Variants in EHD3 observed in about 807,000 individuals in gnomAD.
EHD3 encodes the protein EH domain containing 3.
Under a neutral mutation model 43.0 loss-of-function variants are expected in EHD3, and 17 were observed. The ratio of observed to expected loss-of-function variants is 0.40; its 90% CI spans 0.27 to 0.59. EHD3 has a LOEUF of 0.59. EHD3 is among the 20% of genes least tolerant of loss of function. The pLI, the probability that EHD3 is intolerant of heterozygous loss-of-function variation, is 0.49. For missense variants in EHD3, 594 were observed against 705.6 expected (o/e 0.84, Z 1.79); for synonymous variants, 313 against 289.5 (o/e 1.08, Z -0.82).
At chr2:31,238,469 G>A (rs1572460550) in intron 1 of EHD3, among the ~76,000 whole-genome samples, 1 of 152,244 alleles carries the variant, frequency 6.6e-6, no homozygotes, top group African/African-American at 2.4e-5. Context: ...TTAATGTGCT[G>A]TGATCTCTGC....
At chr2:31,243,456 C>CTTTT (rs1418621028) in intron 1 of EHD3, among the ~76,000 whole-genome samples, 6 of 93,324 alleles carry the variant, frequency 6.4e-5, no homozygotes, top group Middle Eastern at 6.5e-3. Context: ...TTCTTTCTTT[C>CTTTT]TTTCTTTTTT....
intron 2 of EHD3, among the ~76,000 whole-genome samples, chr2:31,246,032 A>T (rs985367653): frequency 5.3e-5 from 8 of 152,050 alleles, no homozygotes; most frequent in Admixed American, 5.2e-4. Context: ...CAGAGTAGGG[A>T]GCAGAGGAAG....
At chr2:31,237,679 T>G (rs907701789) in intron 1 of EHD3, among the ~76,000 whole-genome samples, 10 of 152,214 alleles carry the variant, frequency 6.6e-5, no homozygotes, top group African/African-American at 2.4e-4. Flanking sequence ...TGCTGGGGAT[T>G]ACAGACGTGA....
chr2:31,234,588 T>G lies in EHD3; in HGVS notation c.-34T>G, dbSNP rs539844615. On this transcript the variant is annotated 5_prime_UTR_variant, in exon 1 of 6. Coordinates refer to ENST00000322054, the MANE Select transcript of EHD3 (RefSeq NM_014600.3). ...CTTCCCCTGAGGAGGAGTCTTCCCC[T>G]GGGGCTGCGTGCCGGGGGCGAGCGG... is the stretch of plus-strand genomic sequence containing the variant. 2 of 1,608,828 alleles carry G rather than the reference T, an allele frequency of 1.2e-6. No homozygotes were observed. Among genetic ancestry groups the G allele is most frequent in the East Asian group, 2.2e-5 (1 of 44,824 alleles).
At chr2:31,241,524 G>A (rs747509673) in intron 1 of EHD3, among the ~76,000 whole-genome samples, 13 of 152,204 alleles carry the variant, frequency 8.5e-5, no homozygotes, top group Non-Finnish European at 1.5e-4. Context: ...AGAACTCCCT[G>A]TGAGATAGGT....
At chr2:31,236,094 A>G (rs1375822837) in intron 1 of EHD3, among the ~76,000 whole-genome samples, 1 of 152,210 alleles carries the variant, frequency 6.6e-6, no homozygotes, top group Non-Finnish European at 1.5e-5. Context: ...AGAAAAGTTA[A>G]CAGTCTAGTT....
intron 1 of EHD3, among the ~76,000 whole-genome samples, chr2:31,242,255 T>C (rs898857496): frequency 2.6e-5 from 4 of 152,234 alleles, no homozygotes; most frequent in Admixed American, 2.0e-4. Flanking sequence ...CCAGGCCTGC[T>C]GCTGCAGTCC....
chr2:31,249,171 G>A (rs1219104542), intron 2 of EHD3, among the ~76,000 whole-genome samples, 200 bp from the exon 3 acceptor site: 1 of 152,198 alleles, frequency 6.6e-6, no homozygotes, highest in Non-Finnish European at 1.5e-5. Context: ...AACACTGGAT[G>A]TGGGGAGAGG....
chr2:31,261,822 CAG>C, intron 5 of EHD3, 109 bp downstream of exon 5: 2 of 1,324,592 alleles, frequency 1.5e-6, no homozygotes, highest in Admixed American at 2.3e-5. Flanking sequence ...GAACCCCGCC[CAG>C]AATCTGCAGG....
chr2:31,235,506 C>T (rs988038918), intron 1 of EHD3, among the ~76,000 whole-genome samples: 10 of 151,940 alleles, frequency 6.6e-5, no homozygotes, highest in Admixed American at 2.0e-4. Flanking sequence ...ATATTAAAGA[C>T]GCTTAGAGAT....
At chr2:31,252,613 G>T (rs889598100) in intron 3 of EHD3, among the ~76,000 whole-genome samples, 2 of 152,028 alleles carry the variant, frequency 1.3e-5, no homozygotes, top group Non-Finnish European at 2.9e-5. Context: ...TAGCTGGGAC[G>T]ACAGGCATGC....
intron 1 of EHD3, among the ~76,000 whole-genome samples, chr2:31,243,448 C>CTTTTTTTT (rs1310045883): frequency 6.0e-5 from 4 of 67,006 alleles, no homozygotes; most frequent in Non-Finnish European, 8.0e-5. Context: ...TTCTTTCTTT[C>CTTTTTTTT]TTTCTTTCTT....
At chr2:31,261,038 A>C in intron 4 of EHD3, 116 bp downstream of exon 4, 2 of 1,207,424 alleles carry the variant, frequency 1.7e-6, no homozygotes, top group South Asian at 3.0e-5. Flanking sequence ...TGTGACACCA[A>C]GGGGCAGGAC....
In EHD3 at chr2:31,266,711, G is replaced by C. The variant is rs374806899; in HGVS notation, c.*7G>C. 3.5e-5 allele frequency: 55 copies of C among 1,588,674 alleles called. No homozygotes were observed. The highest frequency in any genetic ancestry group is 4.6e-5 in the Non-Finnish European group (54 of 1,167,344). ...GAGGAAAGTTGCCGAGTGATGGGGT[G>C]GGGGGACATTCAGACGGGCAGTGTT... On this transcript the variant is annotated 3_prime_UTR_variant, in exon 6 of 6. Transcript: ENST00000322054. The surrounding 1 kb of genome is among the most constrained non-coding windows in gnomAD (Gnocchi z 5.1).
Position 31,255,891 on chromosome 2 carries a change from G to A in EHD3, c.503-4619G>A, listed in dbSNP as rs1031258764. 3.9e-5 allele frequency among the ~76,000 whole-genome samples: 6 copies of A among 152,164 alleles called. No individual in the cohort carries two copies. The South Asian group carries it at 8.3e-4, about 21-fold the overall frequency. On this transcript the variant is annotated intron_variant, in intron 3 of 5. Transcript: ENST00000322054. Reference sequence around the variant, plus strand: ...AGGCAGACTTCACACAGGCATCCCCGAGGCCTGTAAGACAGCAGCCTGCAG... The same window carrying A: ...AGGCAGACTTCACACAGGCATCCCCAAGGCCTGTAAGACAGCAGCCTGCAG...
Position 31,261,650 on chromosome 2 carries a change from T to C in EHD3, c.1017T>C (p.Tyr339=), listed in dbSNP as rs780534937. ...KELVNNLAEI[Y]GRIEREHQIS... ...TGGTCAACAACCTGGCCGAGATCTA[T>C]GGCCGGATCGAGCGGGAGCACCAGA... Residue 339 remains tyrosine, a synonymous_variant, in exon 5 of 6, where the codon TAT becomes TAC. Transcript: ENST00000322054. 8 of 1,614,206 alleles carry C rather than the reference T, an allele frequency of 5.0e-6. No individual in the cohort carries two copies. The African/African-American group carries it at 5.3e-5, about 11-fold the overall frequency.
chr2:31,236,139 C>T (rs1178880124), intron 1 of EHD3, among the ~76,000 whole-genome samples: 1 of 152,188 alleles, frequency 6.6e-6, no homozygotes, highest in African/African-American at 2.4e-5. Flanking sequence ...CTCTAACATC[C>T]ACCTTGTAAC....
chr2:31,266,607 C>T lies in EHD3; in HGVS notation c.1511C>T (p.Ala504Val). Residue 504 changes from alanine to valine, a missense_variant, in exon 6 of 6, where the codon GCC becomes GTC. Physicochemically the swap from Ala to Val is moderately conservative, Grantham distance 64. Transcript: ENST00000322054. This position sits in a 1 kb window ranked among gnomAD's most constrained non-coding sequence, Gnocchi z 5.1. The stretch of plus-strand genomic sequence containing the variant: ...CTGGACGACGACGAGTTTGCACTGG[C>T]CAACCACCTCATCAAAGTCAAGCTG... ...GMLDDDEFAL[A>V]NHLIKVKLEG... The T allele has an allele frequency of 1.2e-6, 2 of 1,614,128 alleles. No homozygotes were observed. Among genetic ancestry groups the T allele is most frequent in the Non-Finnish European group, 1.7e-6 (2 of 1,180,030 alleles).
Position 31,234,618 on chromosome 2 carries a change from CG to C in EHD3, c.-3del. On this transcript the variant is annotated 5_prime_UTR_variant, in exon 1 of 6. Coordinates refer to ENST00000322054, the MANE Select transcript of EHD3 (RefSeq NM_014600.3). ...CTGCGTGCCGGGGGCGAGCGGCGGC[CG>C]CGATGTTCAGCTGGCTGGGTACGGA... is the stretch of plus-strand genomic sequence containing the variant. 1 of 1,613,326 alleles carries C rather than the reference CG, an allele frequency of 6.2e-7. No homozygotes were observed. The highest frequency in any genetic ancestry group is 1.1e-5 in the South Asian group (1 of 91,072).
Sources: gnomAD v4.1 joint callset for allele counts (sites outside exome capture counted in the v4.1 genomes callset) on GRCh38, gnomAD v4.1.1 for gene constraint, Gnocchi (gnomAD v3.1) non-coding constraint, MANE v1.5 for transcripts, NCBI Gene and HGNC (gene_info 2026-07-23, HGNC 2026-07-21) for gene names.